The following PCDH15 variants were observed in gnomAD, a reference collection of about 807,000 sequenced individuals.
PCDH15 encodes protocadherin related 15, also known as protocadherin-15.
Under a neutral mutation model 178.5 loss-of-function variants are expected in PCDH15, and 129 were observed. The ratio of observed to expected loss-of-function variants is 0.72; its 90% CI spans 0.63 to 0.84. The LOEUF is 0.84. Ranked by LOEUF, PCDH15 falls within the 40% of genes least tolerant of loss-of-function variation. The pLI is 0.00. For missense variants in PCDH15, 2,230 were observed against 2,099.9 expected (o/e 1.06, Z -1.21); for synonymous variants, 800 against 732.0 (o/e 1.09, Z -1.50).
intron 1 of PCDH15, among the ~76,000 whole-genome samples, chr10:54,765,388 A>G (rs1948385435): frequency 6.6e-6 from 1 of 152,162 alleles, no homozygotes; most frequent in Admixed American, 6.5e-5. Context: ...AAAAGATGAA[A>G]AAAGTTCAGA....
At chr10:55,154,247 A>G (rs528547504) in intron 2 of PCDH15, among the ~76,000 whole-genome samples, 48 of 152,278 alleles carry the variant, frequency 3.2e-4, no homozygotes, top group Non-Finnish European at 3.4e-4. Flanking sequence ...AGCATCTTAT[A>G]TATTTCATAC....
rs533388446 is a variant in PCDH15, at chr10:54,939,356, G to A, written c.-79-41856C>T. Among the ~76,000 whole-genome samples, 358 of 151,482 alleles carry A rather than the reference G, an allele frequency of 2.4e-3. 6 individuals carry two copies. Among genetic ancestry groups the A allele is most frequent in the Non-Finnish European group, 1.2e-3 (78 of 67,824 alleles). On this transcript the variant is annotated intron_variant, in intron 2 of 5. Transcript: ENST00000458638. Reference sequence around the variant, plus strand: ...AAAAAAAACAAAAAATTAGCCGGGCGTGGTGGCGGGCCCCTGTAGTCCCAG... The same window carrying A: ...AAAAAAAACAAAAAATTAGCCGGGCATGGTGGCGGGCCCCTGTAGTCCCAG...
At chr10:55,119,399 C>G (rs2132064427) in intron 2 of PCDH15, among the ~76,000 whole-genome samples, 1 of 152,072 alleles carries the variant, frequency 6.6e-6, no homozygotes, top group South Asian at 2.1e-4. Flanking sequence ...ACAGAAAGGC[C>G]TAATTCTGAT....
At chr10:54,245,074 G>A (rs1378738870) in intron 8 of PCDH15, among the ~76,000 whole-genome samples, 2 of 152,024 alleles carry the variant, frequency 1.3e-5, no homozygotes, top group African/African-American at 4.8e-5. Context: ...GACTGTGTGA[G>A]CACTCCCTAG....
At chr10:54,178,160 G>A (rs1449538867) in intron 13 of PCDH15, among the ~76,000 whole-genome samples, 1 of 152,126 alleles carries the variant, frequency 6.6e-6, no homozygotes, top group Non-Finnish European at 1.5e-5. Context: ...GGGTATAGTT[G>A]AGAGTTTCAA....
rs189674476 is a variant in PCDH15, at chr10:55,554,069, G to A, written c.-156+73556C>T. Among the ~76,000 whole-genome samples, 78 of 152,070 alleles carry A rather than the reference G, an allele frequency of 5.1e-4. 1 individual carries two copies. The East Asian group carries it at 5.6e-3, about 11-fold the overall frequency. ...TGTTTATGTCCATAACAAAAGATAT[G>A]TAAAACTTGTGCTTGTTCCCACTAC... is the stretch of plus-strand genomic sequence containing the variant. On this transcript the variant is annotated intron_variant, in intron 2 of 5. Coordinates refer to the PCDH15 transcript ENST00000613346.
intron 2 of PCDH15, among the ~76,000 whole-genome samples, chr10:55,448,829 C>A (rs753236611): frequency 1.3e-5 from 2 of 151,942 alleles, no homozygotes; most frequent in Admixed American, 1.3e-4. Flanking sequence ...ACAATAAATT[C>A]AGTTGCTGAT....
At chr10:54,099,399 C>T (rs1462395269) in intron 15 of PCDH15, among the ~76,000 whole-genome samples, 1 of 149,500 alleles carries the variant, frequency 6.7e-6, no homozygotes, top group East Asian at 2.0e-4. Context: ...ACTCGGGAGG[C>T]TGAGGCAGGA....
chr10:54,534,387 A>G (rs780102334), intron 2 of PCDH15, among the ~76,000 whole-genome samples: 4 of 152,104 alleles, frequency 2.6e-5, no homozygotes, highest in Non-Finnish European at 5.9e-5. Context: ...ACCAAGCTAG[A>G]TATACTCTGA....
intron 14 of PCDH15, among the ~76,000 whole-genome samples, chr10:54,136,839 A>C (rs878904124): frequency 1.3e-5 from 2 of 152,158 alleles, no homozygotes; most frequent in Admixed American, 1.3e-4. Context: ...TTCCACAATA[A>C]TTCAAAAGCT....
intron 2 of PCDH15, among the ~76,000 whole-genome samples, chr10:54,936,745 GT>G (rs1197426737): frequency 2.7e-5 from 4 of 149,684 alleles, no homozygotes; most frequent in Admixed American, 2.0e-4. Context: ...AGTTTTAAGA[GT>G]TTTTTTATAT....
chr10:54,770,688 T>A (rs1446213478), intron 1 of PCDH15, among the ~76,000 whole-genome samples: 1 of 151,984 alleles, frequency 6.6e-6, no homozygotes, highest in Non-Finnish European at 1.5e-5. Context: ...CACTCTCCCC[T>A]GGCCTTGTGC....
Position 54,150,831 on chromosome 10 carries a change from AAAAAG to A in PCDH15, c.1784+2264_1784+2268del, listed in dbSNP as rs1423556048. Among the ~76,000 whole-genome samples the A allele has an allele frequency of 3.9e-5, 6 of 152,138 alleles. No homozygotes were observed. In the East Asian group the frequency reaches 1.2e-3, roughly 29 times the overall value. On this transcript the variant is annotated intron_variant, in intron 14 of 37. Transcript: ENST00000644397. ...ATACATAATCTTGATAGGATTTCTC[AAAAAG>A]AAAAGTACAGACTAATTTTATTAAA...
intron 3 of PCDH15, among the ~76,000 whole-genome samples, chr10:54,889,564 T>C (rs905665255): frequency 1.3e-5 from 2 of 149,516 alleles, no homozygotes; most frequent in African/African-American, 4.9e-5. Context: ...TCTTTAATTC[T>C]CTCTGCATAT....
At chr10:55,021,443 G>A (rs988934554) in intron 2 of PCDH15, among the ~76,000 whole-genome samples, 1 of 152,150 alleles carries the variant, frequency 6.6e-6, no homozygotes. Context: ...AGAGGAGCAA[G>A]TCACTATGGT....
intron 2 of PCDH15, among the ~76,000 whole-genome samples, chr10:55,603,468 G>GA (rs1433018449): frequency 6.6e-6 from 1 of 151,776 alleles, no homozygotes; most frequent in Non-Finnish European, 1.5e-5. Flanking sequence ...TGAAATGAAG[G>GA]AAAAAATGTT....
chr10:54,510,732 A>G (rs1328258082), intron 3 of PCDH15, among the ~76,000 whole-genome samples: 1 of 152,226 alleles, frequency 6.6e-6, no homozygotes, highest in South Asian at 2.1e-4. Flanking sequence ...CCATGTGACC[A>G]ATTGCAAACA....
chr10:54,444,499 A>C (rs556114200), intron 3 of PCDH15, among the ~76,000 whole-genome samples: 1 of 151,712 alleles, frequency 6.6e-6, no homozygotes. Flanking sequence ...ACATTCCTTC[A>C]AATAGAAAGA....
At chr10:54,089,684 T>C (rs765773518) in intron 16 of PCDH15, among the ~76,000 whole-genome samples, 1 of 152,234 alleles carries the variant, frequency 6.6e-6, no homozygotes, top group African/African-American at 2.4e-5. Context: ...TTTGTAGTAA[T>C]GTCCTTGTCA....
Sources: gnomAD v4.1 joint callset for allele counts (sites outside exome capture counted in the v4.1 genomes callset) on GRCh38, gnomAD v4.1.1 for gene constraint, MANE v1.5 for transcripts, NCBI Gene and HGNC (gene_info 2026-07-23, HGNC 2026-07-21) for gene names.